The following LINGO2 variants were observed in gnomAD, a reference collection of about 807,000 sequenced individuals.
LINGO2 encodes the protein leucine rich repeat and Ig domain containing 2.
Under a neutral mutation model 30.6 loss-of-function variants are expected in LINGO2, and 14 were observed. That is an observed-to-expected ratio of 0.46 (90% CI 0.30 to 0.72). LINGO2 has a LOEUF of 0.72. LINGO2 is among the 30% of genes least tolerant of loss of function. The pLI is 0.07. For missense variants in LINGO2, 729 were observed against 751.7 expected, an observed-to-expected ratio of 0.97 and a Z score of 0.35; for synonymous variants, 317 against 288.5, an observed-to-expected ratio of 1.10 and a Z score of -1.00.
At chr9:28,671,087 C>T (rs1828990659), upstream of LINGO2, among the ~76,000 whole-genome samples, 1 of 152,050 alleles carries the variant, frequency 6.6e-6, no homozygotes, top group South Asian at 2.1e-4. Flanking sequence ...TCCCATGTTT[C>T]CCATACACAA....
chr9:28,585,575 T>G (rs1824490489), intron 1 of LINGO2, among the ~76,000 whole-genome samples: 1 of 151,990 alleles, frequency 6.6e-6, no homozygotes, highest in Non-Finnish European at 1.5e-5. Flanking sequence ...TATGGGATGA[T>G]TTTGCCCAAC....
the LINGO2 span, among the ~76,000 whole-genome samples, chr9:29,149,351 G>A: frequency 6.6e-6 from 1 of 151,970 alleles, no homozygotes. Flanking sequence ...AGGAGAAGGT[G>A]GCTGACTAGA....
At chr9:29,051,014 C>T in the LINGO2 span, among the ~76,000 whole-genome samples, 6 of 152,038 alleles carry the variant, frequency 3.9e-5, no homozygotes, top group East Asian at 1.9e-4. Flanking sequence ...CATTTTTAGG[C>T]TACTTTTATG....
chr9:28,200,348 A>C (rs34931608), intron 4 of LINGO2, among the ~76,000 whole-genome samples: 1 of 151,788 alleles, frequency 6.6e-6, no homozygotes, highest in African/African-American at 2.4e-5. Context: ...CGTTTAGGGG[A>C]AAAAAAAGCC....
the LINGO2 span, among the ~76,000 whole-genome samples, chr9:28,836,506 G>C: frequency 9.2e-5 from 14 of 151,988 alleles, no homozygotes; most frequent in Non-Finnish European, 1.9e-4. Flanking sequence ...AGGAGAGATG[G>C]GGTTTCTCCA....
chr9:29,043,621 C>G, the LINGO2 span, among the ~76,000 whole-genome samples: 1 of 151,902 alleles, frequency 6.6e-6, no homozygotes, highest in Non-Finnish European at 1.5e-5. Context: ...TGCCTGCCTG[C>G]CACTTATGAA....
intron 4 of LINGO2, among the ~76,000 whole-genome samples, chr9:28,247,406 A>G (rs1419274153): frequency 1.3e-5 from 2 of 152,248 alleles, no homozygotes; most frequent in Non-Finnish European, 2.9e-5. Flanking sequence ...AAACCATGGA[A>G]TATTATGCAG....
At chr9:27,954,424 A>G (rs1357699434) in intron 5 of LINGO2, among the ~76,000 whole-genome samples, 3 of 152,124 alleles carry the variant, frequency 2.0e-5, no homozygotes, top group African/African-American at 2.4e-5. Flanking sequence ...TTTAGCTCCT[A>G]CATTTGAGTG....
the LINGO2 span, among the ~76,000 whole-genome samples, chr9:28,945,741 G>C: frequency 2.6e-5 from 4 of 152,256 alleles, no homozygotes; most frequent in African/African-American, 9.6e-5. Flanking sequence ...TTTAAATCTT[G>C]AGAACTGTTG....
At chr9:28,634,625 ACAGGT>A (rs1244568890) in intron 1 of LINGO2, among the ~76,000 whole-genome samples, 1 of 151,138 alleles carries the variant, frequency 6.6e-6, no homozygotes, top group Non-Finnish European at 1.5e-5. Flanking sequence ...AGCTGGGATT[ACAGGT>A]GTCTGTCAGC....
chr9:29,055,439 A>G, the LINGO2 span, among the ~76,000 whole-genome samples: 1 of 152,174 alleles, frequency 6.6e-6, no homozygotes, highest in African/African-American at 2.4e-5. Flanking sequence ...CATTTTTTGT[A>G]GTCATTTGTC....
At chr9:29,052,204 G>C in the LINGO2 span, among the ~76,000 whole-genome samples, 2 of 152,124 alleles carry the variant, frequency 1.3e-5, no homozygotes, top group African/African-American at 4.8e-5. Flanking sequence ...GGGTCTCAGA[G>C]TGAACACTAA....
the LINGO2 span, among the ~76,000 whole-genome samples, chr9:28,953,138 C>T: frequency 3.3e-5 from 5 of 152,032 alleles, no homozygotes; most frequent in Non-Finnish European, 7.4e-5. Context: ...TATGTTTGGT[C>T]TGAGACTATT....
intron 4 of LINGO2, among the ~76,000 whole-genome samples, chr9:28,146,638 A>G (rs1249769385): frequency 6.6e-6 from 1 of 152,170 alleles, no homozygotes; most frequent in African/African-American, 2.4e-5. Flanking sequence ...AACAAGATGT[A>G]GAGTGCCCAA....
At chr9:28,058,593 C>G (rs541569368) in intron 4 of LINGO2, among the ~76,000 whole-genome samples, 4 of 152,064 alleles carry the variant, frequency 2.6e-5, no homozygotes, top group African/African-American at 9.6e-5. Flanking sequence ...GAAGATAAAG[C>G]AAAATGTAAG....
intron 4 of LINGO2, among the ~76,000 whole-genome samples, chr9:28,192,953 C>T (rs1300527322): frequency 6.6e-6 from 1 of 152,072 alleles, no homozygotes; most frequent in African/African-American, 2.4e-5. Flanking sequence ...ATTCTAAAGA[C>T]ATTAAGAGAA....
At chr9:29,107,267 A>G in the LINGO2 span, among the ~76,000 whole-genome samples, 1 of 152,160 alleles carries the variant, frequency 6.6e-6, no homozygotes, top group South Asian at 2.1e-4. Flanking sequence ...AAAGATTACA[A>G]TATACCTAAA....
chr9:28,032,846 C>T (rs1823749722), intron 4 of LINGO2, among the ~76,000 whole-genome samples: 2 of 152,206 alleles, frequency 1.3e-5, no homozygotes, highest in South Asian at 4.1e-4. Context: ...CAGGGAAACA[C>T]TGTACAACAG....
At chr9:28,955,169 C>A in the LINGO2 span, among the ~76,000 whole-genome samples, 26 of 140,964 alleles carry the variant, frequency 1.8e-4, no homozygotes, top group African/African-American at 6.8e-4. Context: ...ATCATAGAGT[C>A]GAAATAGAGA....
Sources: allele counts gnomAD v4.1 joint callset (sites outside exome capture counted in the v4.1 genomes callset), GRCh38; gene constraint gnomAD v4.1.1; transcripts MANE v1.5; gene names NCBI Gene and HGNC (gene_info 2026-07-23, HGNC 2026-07-21).